Variants in CNTNAP5 observed in about 807,000 individuals in gnomAD.
CNTNAP5 encodes the protein contactin associated protein family member 5, also known as contactin-associated protein-like 5.
In CNTNAP5, 72 loss-of-function variants were observed where a neutral mutation model predicts 150.2. The observed-to-expected ratio is 0.48, with a 90% CI of 0.40 to 0.58. The LOEUF is 0.58. Ranked by LOEUF, CNTNAP5 falls within the 20% of genes least tolerant of loss-of-function variation. The pLI, the probability that CNTNAP5 is intolerant of heterozygous loss-of-function variation, is 0.00. For missense variants in CNTNAP5, 1,636 were observed against 1,626.2 expected (o/e 1.01, Z -0.10); for synonymous variants, 672 against 619.8 (o/e 1.08, Z -1.25).
chr2:124,180,953 G>C (rs1199895398), intron 1 of CNTNAP5, among the ~76,000 whole-genome samples: 1 of 151,812 alleles, frequency 6.6e-6, no homozygotes, highest in Non-Finnish European at 1.5e-5. Context: ...CACAGGAAAA[G>C]AGCTAGGTCA....
rs1553474715 is a variant in CNTNAP5, at chr2:124,510,518, T to TACACACACACAC, written c.1327+5965_1327+5966insCACACACACACA. On this transcript the variant is annotated intron_variant, in intron 8 of 23. Coordinates refer to ENST00000682447, the MANE Select transcript of CNTNAP5 (RefSeq NM_001367498.1). ...ATATATATATATATATATATATATA[T>TACACACACACAC]ACATATATCTCCATATATCAACACA... 4.0e-5 allele frequency among the ~76,000 whole-genome samples: 5 copies of TACACACACACAC among 124,904 alleles called. No individual in the cohort carries two copies. In the South Asian group the frequency reaches 1.0e-3, roughly 26 times the overall value. 81.9% of individuals were successfully genotyped at this position (124,904 alleles called of 152,430 possible). A position where few individuals can be genotyped will look rare whatever the true frequency, so the allele number is the denominator to read the frequency against.
intron 7 of CNTNAP5, among the ~76,000 whole-genome samples, chr2:124,482,309 G>C (rs989378003): frequency 4.6e-5 from 7 of 152,096 alleles, no homozygotes; most frequent in African/African-American, 1.7e-4. Flanking sequence ...GTGTGTAGCA[G>C]GCAGGAGGCA....
At chr2:124,264,404 A>G (rs1687549618) in intron 3 of CNTNAP5, among the ~76,000 whole-genome samples, 2 of 149,080 alleles carry the variant, frequency 1.3e-5, no homozygotes, top group South Asian at 2.1e-4. Context: ...ACACACACAC[A>G]CACACACACA....
At chr2:124,156,092 G>T (rs1684521625) in intron 1 of CNTNAP5, among the ~76,000 whole-genome samples, 1 of 152,228 alleles carries the variant, frequency 6.6e-6, no homozygotes, top group Admixed American at 6.5e-5. Context: ...TCATGTTGCA[G>T]AAAACACAGA....
intron 13 of CNTNAP5, among the ~76,000 whole-genome samples, chr2:124,655,999 A>AAAGG (rs758197294): frequency 2.0e-4 from 18 of 90,622 alleles, no homozygotes; most frequent in Admixed American, 5.8e-4. Context: ...AAGAAAGAAA[A>AAAGG]AAGGAAGGAA....
rs374557816 is a variant in CNTNAP5, at chr2:124,749,994, A to G, written c.2234+2609A>G. ...GCCTCTCCCTCCTTTGACTTGCTCA[A>G]TGTTTCACTCTGAACCCCTCATCTG... On this transcript the variant is annotated intron_variant, in intron 14 of 23. Coordinates refer to ENST00000682447, the MANE Select transcript of CNTNAP5 (RefSeq NM_001367498.1). 1.8e-4 allele frequency among the ~76,000 whole-genome samples: 28 copies of G among 152,214 alleles called. No homozygotes were observed. In the East Asian group the frequency reaches 5.0e-3, roughly 27 times the overall value.
chr2:124,184,821 C>A (rs916756955), intron 1 of CNTNAP5, among the ~76,000 whole-genome samples: 1 of 152,072 alleles, frequency 6.6e-6, no homozygotes, highest in African/African-American at 2.4e-5. Flanking sequence ...AGCACTGGAC[C>A]TAAGATGGAA....
At chr2:124,889,033 G>A (rs1355488637) in intron 21 of CNTNAP5, among the ~76,000 whole-genome samples, 1 of 147,190 alleles carries the variant, frequency 6.8e-6, no homozygotes, top group Admixed American at 6.8e-5. Flanking sequence ...GTCTGAAATG[G>A]TGTTCCTAGC....
At chr2:124,527,678 T>C (rs1053863259) in intron 10 of CNTNAP5, among the ~76,000 whole-genome samples, 1 of 152,206 alleles carries the variant, frequency 6.6e-6, no homozygotes, top group Non-Finnish European at 1.5e-5. Flanking sequence ...AAATGGGATA[T>C]GCAAATTAAA....
chr2:124,226,627 T>C (rs968075323), intron 2 of CNTNAP5, among the ~76,000 whole-genome samples: 6 of 152,162 alleles, frequency 3.9e-5, no homozygotes, highest in African/African-American at 1.2e-4. Flanking sequence ...ACTTGCTCAT[T>C]TTTGTCTTTG....
intron 4 of CNTNAP5, among the ~76,000 whole-genome samples, chr2:124,423,695 C>T (rs1377700168): frequency 6.3e-5 from 6 of 95,824 alleles, no homozygotes; most frequent in Admixed American, 1.6e-4. Context: ...GACGGAGTCT[C>T]GCTCTGTCGC....
chr2:124,116,997 T>A (rs1683444189), intron 1 of CNTNAP5, among the ~76,000 whole-genome samples: 1 of 152,220 alleles, frequency 6.6e-6, no homozygotes, highest in African/African-American at 2.4e-5. Flanking sequence ...GTTTTGCCAT[T>A]ATTTCCATAG....
At chr2:124,459,688 T>C (rs1349402603) in intron 6 of CNTNAP5, among the ~76,000 whole-genome samples, 1 of 148,658 alleles carries the variant, frequency 6.7e-6, no homozygotes, top group Non-Finnish European at 1.5e-5. Flanking sequence ...AACCTGGGAG[T>C]TGGAGGTTGT....
chr2:124,674,509 CTCTTTCTTTCTTTCTTTCTT>C (rs768888927), intron 13 of CNTNAP5, among the ~76,000 whole-genome samples: 3 of 115,366 alleles, frequency 2.6e-5, no homozygotes, highest in Admixed American at 9.9e-5. Flanking sequence ...TTCTTTCTTT[CTCTTTCTTTCTTTCTTTCTT>C]TCTTTCTTTC....
intron 7 of CNTNAP5, among the ~76,000 whole-genome samples, chr2:124,500,303 T>C (rs1287064860): frequency 6.6e-6 from 1 of 152,160 alleles, no homozygotes; most frequent in Non-Finnish European, 1.5e-5. Flanking sequence ...AAAAACAGTA[T>C]TCTTTACAAT....
chr2:124,379,447 A>G (rs1482277748), intron 3 of CNTNAP5, among the ~76,000 whole-genome samples: 1 of 152,100 alleles, frequency 6.6e-6, no homozygotes, highest in Non-Finnish European at 1.5e-5. Context: ...ACTTGTCAAT[A>G]TACATTTACA....
chr2:124,853,814 C>T (rs1221824015), intron 19 of CNTNAP5, among the ~76,000 whole-genome samples: 2 of 152,116 alleles, frequency 1.3e-5, no homozygotes, highest in Admixed American at 6.5e-5. Context: ...CTCTTAACCT[C>T]CATCCTCACG....
intron 5 of CNTNAP5, among the ~76,000 whole-genome samples, chr2:124,444,372 T>C (rs1692754507): frequency 6.6e-6 from 1 of 152,082 alleles, no homozygotes. Flanking sequence ...GGGCAGCAGA[T>C]CACTTGAGGT....
At chr2:124,599,227 G>C (rs1696920764) in intron 11 of CNTNAP5, among the ~76,000 whole-genome samples, 1 of 152,168 alleles carries the variant, frequency 6.6e-6, no homozygotes, top group Non-Finnish European at 1.5e-5. Flanking sequence ...GCAGTATGAG[G>C]AGTGGATTTA....
Sources: allele counts gnomAD v4.1 joint callset (sites outside exome capture counted in the v4.1 genomes callset), GRCh38; gene constraint gnomAD v4.1.1; transcripts MANE v1.5; gene names NCBI Gene and HGNC (gene_info 2026-07-23, HGNC 2026-07-21).